Variants in ADAM12 observed in about 807,000 individuals in gnomAD.
ADAM12 encodes disintegrin and metalloproteinase domain-containing protein 12.
In ADAM12, 70 loss-of-function variants were observed where a neutral mutation model predicts 106.4. The observed-to-expected ratio is 0.66, with a 90% CI of 0.54 to 0.80. The LOEUF is 0.80. ADAM12 is among the 30% of genes least tolerant of loss of function. ADAM12 has a pLI of 0.00. For synonymous variants in ADAM12, 420 were observed against 433.5 expected, an observed-to-expected ratio of 0.97 and a Z score of 0.39; for missense variants, 1,010 against 1,171.9, an observed-to-expected ratio of 0.86 and a Z score of 2.02.
chr10:126,110,961 A>G (rs1955857680), intron 6 of ADAM12, among the ~76,000 whole-genome samples: 1 of 152,230 alleles, frequency 6.6e-6, no homozygotes, highest in Non-Finnish European at 1.5e-5. Context: ...TGCATGTTAT[A>G]ACCACTCTTT....
intron 2 of ADAM12, among the ~76,000 whole-genome samples, chr10:126,329,275 T>C (rs1854420796): frequency 6.6e-6 from 1 of 152,206 alleles, no homozygotes; most frequent in Non-Finnish European, 1.5e-5. Flanking sequence ...AGGGAAAGTC[T>C]ACATAATGGC....
chr10:126,352,685 C>T (rs116017448), intron 1 of ADAM12, among the ~76,000 whole-genome samples: 2,131 of 152,268 alleles, frequency 0.014, 62 homozygotes, highest in African/African-American at 0.048. Flanking sequence ...TGTCACCTCA[C>T]GCCAGTGCAC....
intron 3 of ADAM12, among the ~76,000 whole-genome samples, chr10:126,203,176 T>C (rs1399910717): frequency 6.6e-6 from 1 of 152,238 alleles, no homozygotes; most frequent in East Asian, 1.9e-4. Flanking sequence ...ACTGAAAGTT[T>C]CTTACCTTAA....
At chr10:126,166,283 G>A (rs1217827930) in intron 3 of ADAM12, among the ~76,000 whole-genome samples, 1 of 152,200 alleles carries the variant, frequency 6.6e-6, no homozygotes, top group Non-Finnish European at 1.5e-5. Context: ...TGCAGACTCA[G>A]TGGAGGTCTC....
At chr10:126,168,975 T>C (rs1957072560) in intron 3 of ADAM12, among the ~76,000 whole-genome samples, 1 of 151,980 alleles carries the variant, frequency 6.6e-6, no homozygotes, top group Non-Finnish European at 1.5e-5. Context: ...TTTGTGTGAA[T>C]CCGAGAGGCA....
intron 16 of ADAM12, among the ~76,000 whole-genome samples, chr10:126,046,623 T>C (rs921550780): frequency 6.6e-6 from 1 of 151,778 alleles, no homozygotes; most frequent in Admixed American, 6.6e-5. Flanking sequence ...GAAAACATGG[T>C]GAAACCCTGT....
At position 126,234,969 on chromosome 10, in the gene ADAM12, C is replaced by G. The variant is rs905558966; in HGVS notation, c.260+43946G>C. Reference sequence around the variant, plus strand: ...CAGGCAGAAACCAAGGCAGGTCTCCCAGGTCTGATGCTGCAGGTGGGGAGT... The same window carrying G: ...CAGGCAGAAACCAAGGCAGGTCTCCGAGGTCTGATGCTGCAGGTGGGGAGT... On this transcript the variant is annotated intron_variant, in intron 3 of 22. Coordinates refer to ENST00000448723, the MANE Select transcript of ADAM12 (RefSeq NM_001288973.2). Among the ~76,000 whole-genome samples the G allele has an allele frequency of 2.6e-5, 4 of 152,220 alleles. 1 individual carries two copies. The highest frequency in any genetic ancestry group is 2.6e-4 in the Admixed American group (4 of 15,282).
rs960208908 is a variant in ADAM12, at chr10:126,043,645, C to A, written c.1996-497G>T. 6.6e-6 allele frequency among the ~76,000 whole-genome samples: 1 copy of A among 152,170 alleles called. No individual in the cohort carries two copies. Among genetic ancestry groups the A allele is most frequent in the East Asian group, 1.9e-4 (1 of 5,172 alleles). ...GCCGGGTCCCACGCCAGGCTGGGGTCCGAGGCAGGCCCCCCGTTTCCTGAG... is the reference window on the plus strand; with the variant it reads ...GCCGGGTCCCACGCCAGGCTGGGGTACGAGGCAGGCCCCCCGTTTCCTGAG... On this transcript the variant is annotated intron_variant, in intron 17 of 22. Coordinates refer to ENST00000448723, the MANE Select transcript of ADAM12 (RefSeq NM_001288973.2). This position sits in a 1 kb window ranked among gnomAD's most constrained non-coding sequence, Gnocchi z 4.1.
Position 126,048,465 on chromosome 10 carries a change from G to C in ADAM12, c.1917+788C>G, listed in dbSNP as rs139492715. Reference sequence around the variant, plus strand: ...GTGGCTCAGGGTGTGTGGGGCCAAAGACAGGAGAGTGGAGGCAACACCTGT... The same window carrying C: ...GTGGCTCAGGGTGTGTGGGGCCAAACACAGGAGAGTGGAGGCAACACCTGT... On this transcript the variant is annotated intron_variant, in intron 16 of 22. Coordinates refer to ENST00000448723, the MANE Select transcript of ADAM12 (RefSeq NM_001288973.2). Among the ~76,000 whole-genome samples the C allele has an allele frequency of 1.4e-4, 22 of 152,254 alleles. 1 individual carries two copies. Among genetic ancestry groups the C allele is most frequent in the African/African-American group, 5.1e-4 (21 of 41,540 alleles).
intron 2 of ADAM12, among the ~76,000 whole-genome samples, chr10:126,316,884 A>G (rs1853897214): frequency 6.6e-6 from 1 of 152,136 alleles, no homozygotes; most frequent in South Asian, 2.1e-4. Context: ...ACAGACAAAT[A>G]CATTTTAAGA....
Position 126,016,149 on chromosome 10 carries a change from G to C in ADAM12, c.*1130C>G, listed in dbSNP as rs547587555. The C allele has an allele frequency of 6.6e-6, 1 of 152,250 alleles. No individual in the cohort carries two copies. The highest frequency in any genetic ancestry group is 1.5e-5 in the Non-Finnish European group (1 of 68,026). 9.4% of individuals were successfully genotyped at this position (152,250 alleles called of 1,614,324 possible). A position where few individuals can be genotyped will look rare whatever the true frequency, so the allele number is the denominator to read the frequency against. On this transcript the variant is annotated 3_prime_UTR_variant, in exon 23 of 23. Coordinates refer to ENST00000448723, the MANE Select transcript of ADAM12 (RefSeq NM_001288973.2). ...AGAAGGTTCTTTGTCCAATATCTACGAATAATGATAGCAGACATGAACTAT... is the reference window on the plus strand; with the variant it reads ...AGAAGGTTCTTTGTCCAATATCTACCAATAATGATAGCAGACATGAACTAT...
At position 126,065,234 on chromosome 10, in the gene ADAM12, T is replaced by A. The variant is rs538710053; in HGVS notation, c.1414-233A>T. ...ACAACCAAGAGCAGCCTCTGGTTAATGTCATGCAACATCAGGGTTCTCCAA... is the reference window on the plus strand; with the variant it reads ...ACAACCAAGAGCAGCCTCTGGTTAAAGTCATGCAACATCAGGGTTCTCCAA... On this transcript the variant is annotated intron_variant, in intron 13 of 22. Transcript: ENST00000448723. Among the ~76,000 whole-genome samples, 40 of 152,340 alleles carry A rather than the reference T, an allele frequency of 2.6e-4. No homozygotes were observed. The South Asian group carries it at 7.9e-3, about 30-fold the overall frequency.
chr10:126,195,103 G>T (rs1354025824), intron 3 of ADAM12, among the ~76,000 whole-genome samples: 1 of 151,752 alleles, frequency 6.6e-6, no homozygotes, highest in Non-Finnish European at 1.5e-5. Flanking sequence ...GGGGTGGAGG[G>T]CTTGGGGGTG....
chr10:126,258,710 G>T (rs1293739322), intron 3 of ADAM12, among the ~76,000 whole-genome samples: 1 of 152,114 alleles, frequency 6.6e-6, no homozygotes, highest in Non-Finnish European at 1.5e-5. Flanking sequence ...TACTTGCACT[G>T]CTTGCTTGGC....
At chr10:126,260,970 A>G (rs749788154) in intron 3 of ADAM12, among the ~76,000 whole-genome samples, 1 of 152,240 alleles carries the variant, frequency 6.6e-6, no homozygotes, top group Non-Finnish European at 1.5e-5. Flanking sequence ...GAAAACAAAA[A>G]ATAATAATGC....
intron 3 of ADAM12, among the ~76,000 whole-genome samples, chr10:126,211,316 C>T (rs1254748252): frequency 8.5e-5 from 13 of 152,280 alleles, no homozygotes; most frequent in African/African-American, 1.9e-4. Context: ...GCTAGGCAGG[C>T]GGCATACCCC....
chr10:126,298,160 T>C (rs1272849649), intron 2 of ADAM12, among the ~76,000 whole-genome samples: 1 of 151,580 alleles, frequency 6.6e-6, no homozygotes, highest in African/African-American at 2.4e-5. Context: ...CCATATACAA[T>C]GTCTGACACT....
intron 16 of ADAM12, 65 bp from the exon 17 acceptor site, chr10:126,046,197 T>G: frequency 7.0e-7 from 1 of 1,420,288 alleles, no homozygotes; most frequent in Non-Finnish European, 1.0e-6. Flanking sequence ...CATGCATACA[T>G]ACCTGTATTC....
At chr10:126,121,132 T>C (rs1565074009) in intron 5 of ADAM12, among the ~76,000 whole-genome samples, 1 of 17,786 alleles carries the variant, frequency 5.6e-5, no homozygotes, top group African/African-American at 5.0e-4. Flanking sequence ...GTATATATAC[T>C]ATATACTATA....
Sources: allele counts gnomAD v4.1 joint callset (sites outside exome capture counted in the v4.1 genomes callset), GRCh38; gene constraint gnomAD v4.1.1; non-coding constraint Gnocchi (gnomAD v3.1); transcripts MANE v1.5; gene names NCBI Gene and HGNC (gene_info 2026-07-23, HGNC 2026-07-21).